Variants in RGCC observed in about 807,000 individuals in gnomAD.
RGCC encodes the protein regulator of cell cycle RGCC.
In RGCC, 15 loss-of-function variants were observed where a neutral mutation model predicts 15.4. The observed-to-expected ratio is 0.97, with a 90% CI of 0.65 to 1.50. The LOEUF is 1.50. Among genes scored for constraint, RGCC ranks in the 40% most tolerant of loss-of-function variants. The pLI is 0.00. For synonymous variants in RGCC, 81 were observed against 78.0 expected (o/e 1.04, Z -0.20); for missense variants, 176 against 189.7 (o/e 0.93, Z 0.42).
rs1271008494 is a variant in RGCC at position 41,466,260 on chromosome 13, C to G, written c.236-563C>G. Among the ~76,000 whole-genome samples, 148 of 147,250 alleles carry G rather than the reference C, an allele frequency of 1.0e-3. 1 individual carries two copies. The highest frequency in any genetic ancestry group is 2.3e-4 in the Non-Finnish European group (15 of 66,390). On this transcript the variant is annotated intron_variant, in intron 2 of 4. Transcript: ENST00000379359. ...TCTCACACACACCCACACTCACACA[C>G]TCATGCACACACACACACTTTCACA... is the stretch of plus-strand genomic sequence containing the variant.
intron 2 of RGCC, among the ~76,000 whole-genome samples, chr13:41,459,119 C>T (rs1405561973): frequency 6.6e-6 from 1 of 152,148 alleles, no homozygotes; most frequent in African/African-American, 2.4e-5. Context: ...ATCTTTCTCA[C>T]AATGGAGACT....
At position 41,470,606 on chromosome 13, in the gene RGCC, AC is replaced by A; in HGVS notation, c.*123del. ...GACAAAGACGTGCACTCAACCTTCT[AC>A]CAGGCCACTCTCAGGCTCACCTTAA... On this transcript the variant is annotated 3_prime_UTR_variant, in exon 5 of 5. Coordinates refer to ENST00000379359, the MANE Select transcript of RGCC (RefSeq NM_014059.3). The A allele has an allele frequency of 1.0e-6, 1 of 968,304 alleles. No homozygotes were observed. Among genetic ancestry groups the A allele is most frequent in the Non-Finnish European group, 1.7e-6 (1 of 598,924 alleles). 60.0% of individuals were successfully genotyped at this position (968,304 alleles called of 1,614,324 possible). A position where few individuals can be genotyped will look rare whatever the true frequency, so the allele number is the denominator to read the frequency against.
chr13:41,458,193 C>T lies in RGCC; in HGVS notation c.50-92C>T. 9.1e-7 allele frequency: 1 copy of T among 1,101,922 alleles called. No individual in the cohort carries two copies. Among genetic ancestry groups the T allele is most frequent in the Non-Finnish European group, 1.3e-6 (1 of 788,632 alleles). 68.3% of individuals were successfully genotyped at this position (1,101,922 alleles called of 1,614,324 possible). ...GGCAGAGGCGCCAAGTGTCAGTTAT[C>T]TTCGGGAACCGTGGCGGCCCCTCCT... On this transcript the variant is annotated intron_variant, in intron 1 of 4. Transcript: ENST00000379359. This position sits in a 1 kb window ranked among gnomAD's most constrained non-coding sequence, Gnocchi z 4.4.
rs576846700 is a variant in RGCC at position 41,470,628 on chromosome 13, C to G, written c.*143C>G. The G allele has an allele frequency of 1.5e-5, 12 of 807,038 alleles. No individual in the cohort carries two copies. The East Asian group carries it at 3.1e-4, about 21-fold the overall frequency. 50.0% of individuals were successfully genotyped at this position (807,038 alleles called of 1,614,324 possible). ...TCTACCAGGCCACTCTCAGGCTCAC[C>G]TTAAAATCAGCCCTTGATCCCATTT... On this transcript the variant is annotated 3_prime_UTR_variant, in exon 5 of 5. Transcript: ENST00000379359.
chr13:41,465,138 T>C (rs2043840999), intron 2 of RGCC, among the ~76,000 whole-genome samples: 3 of 152,244 alleles, frequency 2.0e-5, no homozygotes, highest in East Asian at 1.9e-4. Flanking sequence ...CAAAGAGAGA[T>C]GTTTTTGCCT....
At chr13:41,460,858 T>C (rs1036896628) in intron 2 of RGCC, among the ~76,000 whole-genome samples, 4 of 152,222 alleles carry the variant, frequency 2.6e-5, no homozygotes, top group Admixed American at 6.5e-5. Context: ...TGTAAACCAA[T>C]GTTACCTTTG....
chr13:41,457,610 C>T lies in RGCC; in HGVS notation c.-98C>T. On this transcript the variant is annotated 5_prime_UTR_variant, in exon 1 of 5. Transcript: ENST00000379359. The surrounding 1 kb of genome is among the most constrained non-coding windows in gnomAD (Gnocchi z 4.9). ...TGGAGCGCAGCGCCGAAGGGACTGG[C>T]AGGGCTGAAGTGTGCGGGACAGCAA... is the stretch of plus-strand genomic sequence containing the variant. The T allele has an allele frequency of 6.8e-7, 1 of 1,467,088 alleles. No individual in the cohort carries two copies. The highest frequency in any genetic ancestry group is 9.0e-7 in the Non-Finnish European group (1 of 1,111,710). 90.9% of individuals were successfully genotyped at this position (1,467,088 alleles called of 1,614,324 possible).
intron 3 of RGCC, among the ~76,000 whole-genome samples, chr13:41,467,205 T>TGAGAGAGTAATCTCTCATTTGTGTGCA (rs2043853524): frequency 6.6e-6 from 1 of 152,228 alleles, no homozygotes; most frequent in African/African-American, 2.4e-5. Context: ...TCTCATGTGA[T>TGAGAGAGTAATCTCTCATTTGTGTGCA]GTAATCAAGA....
Position 41,457,737 on chromosome 13 carries a change from C to T in RGCC, c.30C>T (p.Pro10=), listed in dbSNP as rs2043799630. Reference sequence around the variant, plus strand: ...AGCCGCCCGCGGCGCAGGGCAGCCCCGCGGCCGCCGCGGCCGCAGGTGAGT... The same window carrying T: ...AGCCGCCCGCGGCGCAGGGCAGCCCTGCGGCCGCCGCGGCCGCAGGTGAGT... The part of the protein sequence containing the change: MKPPAAQGS[P]AAAAAAAPAL... Residue 10 remains proline, a synonymous_variant, in exon 1 of 5, where the codon CCC becomes CCT. Coordinates refer to ENST00000379359, the MANE Select transcript of RGCC (RefSeq NM_014059.3). The surrounding 1 kb of genome is among the most constrained non-coding windows in gnomAD (Gnocchi z 4.9). 1 of 1,401,620 alleles carries T rather than the reference C, an allele frequency of 7.1e-7. No individual in the cohort carries two copies. Among genetic ancestry groups the T allele is most frequent in the South Asian group, 1.7e-5 (1 of 60,366 alleles). 86.8% of individuals were successfully genotyped at this position (1,401,620 alleles called of 1,614,324 possible).
At chr13:41,465,189 C>G (rs955831449) in intron 2 of RGCC, among the ~76,000 whole-genome samples, 1 of 152,116 alleles carries the variant, frequency 6.6e-6, no homozygotes, top group African/African-American at 2.4e-5. Flanking sequence ...TGGAAGAATC[C>G]CGAGGAGGCG....
At chr13:41,460,184 A>G (rs59826165) in intron 2 of RGCC, among the ~76,000 whole-genome samples, 3,381 of 152,314 alleles carry the variant, frequency 0.022, 107 homozygotes, top group African/African-American at 0.075. Flanking sequence ...GAAAGCTCAG[A>G]TGACATTTGT....
chr13:41,468,983 G>A (rs929051895), intron 4 of RGCC, 145 bp downstream of exon 4: 15 of 617,162 alleles, frequency 2.4e-5, no homozygotes, highest in Middle Eastern at 8.2e-4. Flanking sequence ...ACCCTAGGCC[G>A]GGGCAGTGGC....
At chr13:41,463,750 C>A (rs1266711373) in intron 2 of RGCC, among the ~76,000 whole-genome samples, 1 of 152,112 alleles carries the variant, frequency 6.6e-6, no homozygotes, top group African/African-American at 2.4e-5. Flanking sequence ...TCTGGATCTA[C>A]GGCTCATTCT....
In RGCC at chr13:41,470,515, A is replaced by T. The variant is rs746603617; in HGVS notation, c.*30A>T. Reference sequence around the variant, plus strand: ...AGAAGTTCTGGGTCCTTTCATCATAAGGGAGAAGCTTCAGAAAGTTCCGAG... The same window carrying T: ...AGAAGTTCTGGGTCCTTTCATCATATGGGAGAAGCTTCAGAAAGTTCCGAG... On this transcript the variant is annotated 3_prime_UTR_variant, in exon 5 of 5. Coordinates refer to ENST00000379359, the MANE Select transcript of RGCC (RefSeq NM_014059.3). 6.8e-6 allele frequency: 11 copies of T among 1,611,850 alleles called. No homozygotes were observed. The highest frequency in any genetic ancestry group is 5.1e-6 in the Non-Finnish European group (6 of 1,177,994).
At chr13:41,462,159 G>A (rs2043824751) in intron 2 of RGCC, among the ~76,000 whole-genome samples, 1 of 152,140 alleles carries the variant, frequency 6.6e-6, no homozygotes, top group South Asian at 2.1e-4. Flanking sequence ...AATTACTATA[G>A]TTTGCTTGCT....
At position 41,457,836 on chromosome 13, in the gene RGCC, C is replaced by A; in HGVS notation, c.49+80C>A. 1.5e-6 allele frequency: 2 copies of A among 1,347,194 alleles called. No homozygotes were observed. Among genetic ancestry groups the A allele is most frequent in the Non-Finnish European group, 9.5e-7 (1 of 1,047,916 alleles). The allele number at this position is 1,347,194 out of a possible 1,614,324, so 83.5% of individuals were successfully genotyped here. A position where few individuals can be genotyped will look rare whatever the true frequency, so the allele number is the denominator to read the frequency against. On this transcript the variant is annotated intron_variant, in intron 1 of 4. Transcript: ENST00000379359. This position sits in a 1 kb window ranked among gnomAD's most constrained non-coding sequence, Gnocchi z 4.9. ...AGAAAGGAGGGGCCCCGTGTCGTCC[C>A]TTCACACCCCCCACCCTTCCATCCT...
In RGCC at chr13:41,457,671, C is replaced by T. The variant is rs773865896; in HGVS notation, c.-37C>T. 5 of 1,499,304 alleles carry T rather than the reference C, an allele frequency of 3.3e-6. No homozygotes were observed. Among genetic ancestry groups the T allele is most frequent in the Non-Finnish European group, 4.4e-6 (5 of 1,125,786 alleles). 92.9% of individuals were successfully genotyped at this position (1,499,304 alleles called of 1,614,324 possible). On this transcript the variant is annotated 5_prime_UTR_variant, in exon 1 of 5. Transcript: ENST00000379359. The surrounding 1 kb of genome is among the most constrained non-coding windows in gnomAD (Gnocchi z 4.9). Reference sequence around the variant, plus strand: ...AGCCCCGGCTGCCACCTCGCAGGACCCAAGGCCACGCGCGCCGGGCCCAGC... The same window carrying T: ...AGCCCCGGCTGCCACCTCGCAGGACTCAAGGCCACGCGCGCCGGGCCCAGC...
chr13:41,468,872 C>CA (rs751554049), intron 4 of RGCC, 34 bp downstream of exon 4: 2 of 1,456,342 alleles, frequency 1.4e-6, no homozygotes, highest in South Asian at 1.2e-5. Context: ...AACAAAAAAA[C>CA]AAAAAACTAA....
Position 41,457,750 on chromosome 13 carries a change from G to T in RGCC, c.43G>T (p.Ala15Ser). 1 of 1,397,812 alleles carries T rather than the reference G, an allele frequency of 7.2e-7. No individual in the cohort carries two copies. The highest frequency in any genetic ancestry group is 9.3e-7 in the Non-Finnish European group (1 of 1,080,884). 86.6% of individuals were successfully genotyped at this position (1,397,812 alleles called of 1,614,324 possible). The part of the protein sequence containing the change: ...AAQGSPAAAA[A>S]AAPALDSAAA... ...GCAGGGCAGCCCCGCGGCCGCCGCG[G>T]CCGCAGGTGAGTGCGGGGTCCGGGG... Residue 15 changes from alanine (A) to serine (S), a missense_variant, in exon 1 of 5, where the codon GCC becomes TCC. By Grantham distance (99) the Ala-to-Ser change is moderately conservative (BLOSUM62 1). Transcript: ENST00000379359. The surrounding 1 kb of genome is among the most constrained non-coding windows in gnomAD (Gnocchi z 4.9).
Sources: allele counts gnomAD v4.1 joint callset (sites outside exome capture counted in the v4.1 genomes callset), GRCh38; gene constraint gnomAD v4.1.1; non-coding constraint Gnocchi (gnomAD v3.1); transcripts MANE v1.5; gene names NCBI Gene and HGNC (gene_info 2026-07-23, HGNC 2026-07-21).